MAPKAP1: variants seen among roughly 807,000 people sequenced by gnomAD.
MAPKAP1 encodes target of rapamycin complex 2 subunit MAPKAP1.
In MAPKAP1, 20 loss-of-function variants were observed where a neutral mutation model predicts 65.7. The ratio of observed to expected loss-of-function variants is 0.30; its 90% CI spans 0.21 to 0.44. The LOEUF is 0.44. Ranked by LOEUF, MAPKAP1 falls within the 20% of genes least tolerant of loss-of-function variation. The pLI, the probability that MAPKAP1 is intolerant of heterozygous loss-of-function variation, is 1.00. For missense variants in MAPKAP1, 423 were observed against 648.0 expected (o/e 0.65, Z 3.77); for synonymous variants, 222 against 244.3 (o/e 0.91, Z 0.85).
chr9:125,661,981 G>A (rs996177238), intron 3 of MAPKAP1, among the ~76,000 whole-genome samples: 1 of 152,128 alleles, frequency 6.6e-6, no homozygotes, highest in Non-Finnish European at 1.5e-5. Flanking sequence ...AACCAAAGTA[G>A]TAGATGGATC....
chr9:125,477,325 A>G, intron 9 of MAPKAP1, among the ~76,000 whole-genome samples: 1 of 152,200 alleles, frequency 6.6e-6, no homozygotes, highest in East Asian at 1.9e-4. Context: ...AGTGGTGCAA[A>G]TATCAAACCA....
chr9:125,438,985 T>C lies in MAPKAP1; in HGVS notation c.1471A>G (p.Ser491Gly). ...KVNYILESRA[S>G]TARADYFAQK... ...GCAAAGTAGTCAGCCCGGGCAGTGC[T>C]AGCTCGCGATTCCAGGATGTAGTTA... Residue 491 changes from serine to glycine, a missense_variant, in exon 12 of 12, where the codon AGC (serine) becomes GGC (glycine). Physicochemically the swap from Ser to Gly is moderately conservative, Grantham distance 56. Transcript: ENST00000265960. 1 of 1,614,036 alleles carries C rather than the reference T, an allele frequency of 6.2e-7. No homozygotes were observed. Among genetic ancestry groups the C allele is most frequent in the Admixed American group, 1.7e-5 (1 of 60,028 alleles).
chr9:125,679,828 T>C lies in MAPKAP1; in HGVS notation c.-69-7185A>G, dbSNP rs144048929. On this transcript the variant is annotated intron_variant, in intron 1 of 11. Coordinates refer to ENST00000265960, the MANE Select transcript of MAPKAP1 (RefSeq NM_001006617.3). ...TGGACTTTCTCAAAACACTACCCGC[T>C]CACTTCCCTCTGATCTCTCACCTGC... Among the ~76,000 whole-genome samples, 846 of 152,244 alleles carry C rather than the reference T, an allele frequency of 5.6e-3. 2 individuals are homozygous for C. Among genetic ancestry groups the C allele is most frequent in the Middle Eastern group, 0.017 (5 of 294 alleles).
intron 4 of MAPKAP1, among the ~76,000 whole-genome samples, chr9:125,615,917 A>T (rs186106296): frequency 0.021 from 3,182 of 149,262 alleles, 46 homozygotes; most frequent in Middle Eastern, 0.052. Context: ...CCGTCTCAGA[A>T]AAAAAAAAAA....
chr9:125,593,385 G>C (rs1832029245), intron 4 of MAPKAP1, among the ~76,000 whole-genome samples: 1 of 152,272 alleles, frequency 6.6e-6, no homozygotes, highest in East Asian at 1.9e-4. Flanking sequence ...AAAAGGGCAA[G>C]GCACAGTGGC....
chr9:125,646,728 T>G (rs958809939), intron 4 of MAPKAP1, among the ~76,000 whole-genome samples: 1 of 152,262 alleles, frequency 6.6e-6, no homozygotes, highest in Non-Finnish European at 1.5e-5. Context: ...GTTATTGTTT[T>G]GATACCATAA....
At position 125,459,157 on chromosome 9, in the gene MAPKAP1, C is replaced by T. The variant is rs10986766; in HGVS notation, c.1345+8815G>A. 2.3e-3 allele frequency among the ~76,000 whole-genome samples: 338 copies of T among 144,188 alleles called. 9 individuals are homozygous for T. The East Asian group carries it at 0.064, about 27-fold the overall frequency. The allele number at this position is 144,188 out of a possible 152,430, so 94.6% of individuals were successfully genotyped here. The stretch of plus-strand genomic sequence containing the variant: ...AGACGGGGTCGCGGCCGGGCAGAGG[C>T]GCTCCTCACATCCCAGACGGGGCGG... On this transcript the variant is annotated intron_variant, in intron 10 of 11. Transcript: ENST00000265960.
intron 3 of MAPKAP1, among the ~76,000 whole-genome samples, chr9:125,665,905 T>C (rs1345530970): frequency 6.6e-6 from 1 of 152,216 alleles, no homozygotes; most frequent in Non-Finnish European, 1.5e-5. Context: ...ACTTCATGCA[T>C]AAGAAGCCTT....
At chr9:125,700,015 G>T (rs1835548487) in intron 1 of MAPKAP1, among the ~76,000 whole-genome samples, 1 of 152,164 alleles carries the variant, frequency 6.6e-6, no homozygotes, top group Non-Finnish European at 1.5e-5. Context: ...GTTTCATTTA[G>T]TCCTCACTAA....
At chr9:125,487,207 T>G (rs1446316866) in intron 8 of MAPKAP1, among the ~76,000 whole-genome samples, 1 of 152,208 alleles carries the variant, frequency 6.6e-6, no homozygotes, top group African/African-American at 2.4e-5. Flanking sequence ...GGCCACTGGG[T>G]AGCCCCTTTC....
At chr9:125,590,674 C>T (rs1466280772) in intron 4 of MAPKAP1, among the ~76,000 whole-genome samples, 1 of 152,024 alleles carries the variant, frequency 6.6e-6, no homozygotes, top group Admixed American at 6.6e-5. Context: ...GGGGGCGGGG[C>T]ATAGGGCTAG....
intron 4 of MAPKAP1, among the ~76,000 whole-genome samples, chr9:125,628,968 T>C (rs1406559539): frequency 1.3e-5 from 2 of 151,774 alleles, no homozygotes; most frequent in East Asian, 1.9e-4. Flanking sequence ...TATGAGAAGA[T>C]GCTCAACATC....
At chr9:125,588,613 C>T (rs1276832239) in intron 4 of MAPKAP1, among the ~76,000 whole-genome samples, 1 of 152,188 alleles carries the variant, frequency 6.6e-6, no homozygotes, top group African/African-American at 2.4e-5. Context: ...TCTCCACTGC[C>T]ACCAAAATTA....
intron 4 of MAPKAP1, among the ~76,000 whole-genome samples, chr9:125,609,267 T>C (rs1481609023): frequency 2.6e-5 from 4 of 152,136 alleles, no homozygotes; most frequent in African/African-American, 4.8e-5. Flanking sequence ...CAAGTTTCCT[T>C]CCCCTAAAGT....
chr9:125,612,029 C>T (rs1360426017), intron 4 of MAPKAP1, among the ~76,000 whole-genome samples: 1 of 152,058 alleles, frequency 6.6e-6, no homozygotes, highest in Non-Finnish European at 1.5e-5. Flanking sequence ...GGTTGAGTAA[C>T]CCTAATCCAA....
At position 125,484,505 on chromosome 9, in the gene MAPKAP1, T is replaced by C. The variant is rs1432656581; in HGVS notation, c.1145A>G (p.His382Arg). The change falls in exon 9 of 12, where the codon CAT becomes CGT. Residue 382 changes from histidine (H) to arginine (R), a missense_variant. Coordinates refer to ENST00000265960, the MANE Select transcript of MAPKAP1 (RefSeq NM_001006617.3). ...CATGCTGACTTTGAATGACTTGTAATGGTGGCTGCTAAGCATATCCTGTAC... is the reference window on the plus strand; with the variant it reads ...CATGCTGACTTTGAATGACTTGTAACGGTGGCTGCTAAGCATATCCTGTAC... The part of the protein sequence containing the change: ...ATVQDMLSSH[H>R]YKSFKVSMIH... 1.2e-6 allele frequency: 2 copies of C among 1,613,650 alleles called. No individual in the cohort carries two copies. The highest frequency in any genetic ancestry group is 2.2e-5 in the East Asian group (1 of 44,862).
intron 7 of MAPKAP1, among the ~76,000 whole-genome samples, chr9:125,525,706 C>CAA (rs72340047): frequency 6.9e-5 from 7 of 100,954 alleles, no homozygotes; most frequent in South Asian, 3.1e-4. Context: ...CAAAAACAAA[C>CAA]AAAAAAAAAA....
intron 1 of MAPKAP1, among the ~76,000 whole-genome samples, chr9:125,683,842 T>G (rs79443115): frequency 0.024 from 3,651 of 152,298 alleles, 162 homozygotes; most frequent in African/African-American, 0.083. Flanking sequence ...CCTTCACATA[T>G]AACACATAAG....
At chr9:125,490,314 TG>T (rs1854650191) in intron 8 of MAPKAP1, among the ~76,000 whole-genome samples, 1 of 151,924 alleles carries the variant, frequency 6.6e-6, no homozygotes, top group Non-Finnish European at 1.5e-5. Context: ...CCGAGGTGGG[TG>T]GATCACCTGA....
Sources: gnomAD v4.1 joint callset for allele counts (sites outside exome capture counted in the v4.1 genomes callset) on GRCh38, gnomAD v4.1.1 for gene constraint, MANE v1.5 for transcripts, NCBI Gene and HGNC (gene_info 2026-07-23, HGNC 2026-07-21) for gene names.